The following MCM8 variants were observed in gnomAD, a reference collection of about 807,000 sequenced individuals.
MCM8 encodes minichromosome maintenance 8 homologous recombination repair factor.
MCM8 carries 85 observed loss-of-function variants against 98.9 expected under a neutral mutation model. The ratio of observed to expected loss-of-function variants is 0.86; its 90% CI spans 0.72 to 1.03. MCM8 has a LOEUF of 1.03. MCM8 is among the 50% of genes least tolerant of loss of function. MCM8 has a pLI of 0.00. For synonymous variants in MCM8, 352 were observed against 338.6 expected (o/e 1.04, Z -0.44); for missense variants, 951 against 997.8 (o/e 0.95, Z 0.63).
At chr20:5,985,702 C>T (rs987426000) in intron 15 of MCM8, among the ~76,000 whole-genome samples, 2 of 151,878 alleles carry the variant, frequency 1.3e-5, no homozygotes, top group Non-Finnish European at 2.9e-5. Flanking sequence ...CGTGCCACCA[C>T]GCCCGGCTAA....
chr20:5,957,013 T>C, intron 5 of MCM8, 113 bp from the exon 6 acceptor site: 1 of 520,648 alleles, frequency 1.9e-6, no homozygotes. Context: ...GTTAAAGTTT[T>C]CTGTTTTTAT....
chr20:5,959,622 A>G (rs1487433761), intron 7 of MCM8, among the ~76,000 whole-genome samples: 1 of 152,108 alleles, frequency 6.6e-6, no homozygotes, highest in Admixed American at 6.5e-5. Flanking sequence ...TTATAAGAAC[A>G]AATGATACTG....
intron 12 of MCM8, among the ~76,000 whole-genome samples, chr20:5,975,230 G>A (rs549668335): frequency 3.3e-5 from 5 of 151,152 alleles, no homozygotes; most frequent in Non-Finnish European, 7.4e-5. Flanking sequence ...CTGTACCCCA[G>A]CCTGGGCAAT....
rs1201651375 is a variant in MCM8 at position 5,958,722 on chromosome 20, CA to C, written c.788del (p.Lys263SerfsTer34). 6.2e-7 allele frequency: 1 copy of C among 1,613,826 alleles called. No homozygotes were observed. The highest frequency in any genetic ancestry group is 1.3e-5 in the African/African-American group (1 of 74,914). Reference protein sequence around the residue: ...PLPDGKYSLPTKCPVPVCRGR... With the variant: ...PLPDGKYSLPXKCPVPVCRGR... ...CCAGATGGAAAATACAGTCTTCCCA[CA>C]AAGGTAATACGTTCTTTAACTGCTT... On this transcript the variant is annotated frameshift_variant, in exon 7 of 19. Transcript: ENST00000610722. LOFTEE classifies it high-confidence loss of function.
chr20:5,963,190 A>T, intron 7 of MCM8, 84 bp from the exon 8 acceptor site: 1 of 1,027,688 alleles, frequency 9.7e-7, no homozygotes, highest in Non-Finnish European at 1.5e-6. Flanking sequence ...AAACAATATT[A>T]AATGAAATGT....
intron 8 of MCM8, among the ~76,000 whole-genome samples, chr20:5,964,176 A>G (rs577475213): frequency 9.2e-4 from 125 of 135,988 alleles, no homozygotes; most frequent in Non-Finnish European, 1.9e-4. Context: ...TTTTCATCCC[A>G]TAATTGATTA....
At chr20:5,973,378 C>A (rs1446579511) in intron 12 of MCM8, among the ~76,000 whole-genome samples, 182 bp downstream of exon 12, 3 of 152,190 alleles carry the variant, frequency 2.0e-5, no homozygotes, top group African/African-American at 7.2e-5. Context: ...TAAATTGAGC[C>A]AGTCTCCTGT....
intron 5 of MCM8, among the ~76,000 whole-genome samples, chr20:5,955,872 G>A (rs1164167063): frequency 2.6e-5 from 4 of 151,908 alleles, no homozygotes; most frequent in Non-Finnish European, 4.4e-5. Flanking sequence ...TCTGCCTCCC[G>A]GGTTCAAGTG....
rs528063186 is a variant in MCM8 at position 5,980,956 on chromosome 20, C to A, written c.1538-2014C>A. Among the ~76,000 whole-genome samples, 872 of 151,904 alleles carry A rather than the reference C, an allele frequency of 5.7e-3. 1 individual carries two copies. Among genetic ancestry groups the A allele is most frequent in the Non-Finnish European group, 8.6e-3 (584 of 67,960 alleles). On this transcript the variant is annotated intron_variant, in intron 13 of 18. Transcript: ENST00000610722. ...ATTAAACTTTGGTCCATAGGTCAAA[C>A]CAGCCAACAGTGTGTTTTAGTACAG...
intron 3 of MCM8, among the ~76,000 whole-genome samples, chr20:5,953,575 G>A (rs1453141449): frequency 2.0e-5 from 3 of 151,824 alleles, no homozygotes; most frequent in African/African-American, 4.8e-5. Context: ...CCAGGTTCAC[G>A]CCATTCTCCT....
chr20:5,990,507 C>T (rs1190438315), intron 17 of MCM8, among the ~76,000 whole-genome samples: 1 of 152,170 alleles, frequency 6.6e-6, no homozygotes, highest in African/African-American at 2.4e-5. Context: ...ATGTTGGAGA[C>T]CCTCTAGTTG....
At chr20:5,972,813 C>A in intron 11 of MCM8, 1 of 1,426,084 alleles carries the variant, frequency 7.0e-7, no homozygotes, top group Admixed American at 2.4e-5. Flanking sequence ...TGGATTTATG[C>A]CTTGCAAGGT....
At chr20:5,955,665 C>T (rs917575984) in intron 5 of MCM8, among the ~76,000 whole-genome samples, 1 of 151,968 alleles carries the variant, frequency 6.6e-6, no homozygotes, top group African/African-American at 2.4e-5. Context: ...ACTGAGTGTC[C>T]CTGTATATCA....
chr20:5,972,936 T>C, intron 11 of MCM8, 120 bp from the exon 12 acceptor site: 1 of 1,368,966 alleles, frequency 7.3e-7, no homozygotes, highest in Non-Finnish European at 9.7e-7. Flanking sequence ...TAGAAAAAAA[T>C]TATCATGCTT....
intron 17 of MCM8, among the ~76,000 whole-genome samples, chr20:5,992,082 C>T (rs10485495): frequency 0.024 from 3,587 of 152,208 alleles, 131 homozygotes; most frequent in African/African-American, 0.077. Context: ...AAATTGAAAA[C>T]ATACTAGGTA....
chr20:5,958,141 C>T (rs1051155677), intron 6 of MCM8, among the ~76,000 whole-genome samples: 5 of 152,202 alleles, frequency 3.3e-5, no homozygotes, highest in African/African-American at 1.2e-4. Flanking sequence ...GAGTCCGAGG[C>T]AGGCGGATCA....
intron 4 of MCM8, 139 bp downstream of exon 4, chr20:5,954,829 G>A (rs1600239355): frequency 1.6e-6 from 1 of 607,450 alleles, no homozygotes; most frequent in Non-Finnish European, 2.9e-6. Flanking sequence ...CTGCAGTATG[G>A]ACTTTGATTA....
chr20:5,985,451 A>AT (rs2089712503), intron 15 of MCM8, among the ~76,000 whole-genome samples: 1 of 151,822 alleles, frequency 6.6e-6, no homozygotes, highest in Non-Finnish European at 1.5e-5. Flanking sequence ...CAAAAAAAAA[A>AT]AAAAAAAGGA....
chr20:5,951,764 G>A (rs1028695439), intron 1 of MCM8, among the ~76,000 whole-genome samples: 1 of 152,120 alleles, frequency 6.6e-6, no homozygotes, highest in Non-Finnish European at 1.5e-5. Context: ...TAACCTGTGA[G>A]CGTCTAGTAT....
Sources: gnomAD v4.1 joint callset for allele counts (sites outside exome capture counted in the v4.1 genomes callset) on GRCh38, gnomAD v4.1.1 for gene constraint, MANE v1.5 for transcripts, NCBI Gene and HGNC (gene_info 2026-07-23, HGNC 2026-07-21) for gene names.